The following CDKN2B-AS1 variants were observed in gnomAD, a reference collection of about 807,000 sequenced individuals.
The protein encoded by CDKN2B-AS1 is CDKN2B antisense RNA 1 (non-protein coding).
chr9:22,068,649 G>T (rs1288815718), intron 4 of CDKN2B-AS1, among the ~76,000 whole-genome samples: 1 of 152,184 alleles, frequency 6.6e-6, no homozygotes, highest in Non-Finnish European at 1.5e-5. Flanking sequence ...GCTTTGCAAT[G>T]ATAGTAAGAT....
intron 4 of CDKN2B-AS1, among the ~76,000 whole-genome samples, chr9:22,091,682 A>G (rs1489160477): frequency 6.6e-6 from 1 of 152,152 alleles, no homozygotes; most frequent in African/African-American, 2.4e-5. Flanking sequence ...TTTTATCCTG[A>G]GACTTTGCTG....
intron 1 of CDKN2B-AS1, among the ~76,000 whole-genome samples, chr9:22,042,669 G>T (rs907422845): frequency 1.3e-5 from 2 of 151,994 alleles, no homozygotes; most frequent in Non-Finnish European, 2.9e-5. Context: ...TCAGAATGTT[G>T]TTTCACAAGT....
chr9:22,011,529 C>T (rs971323263), intron 1 of CDKN2B-AS1, among the ~76,000 whole-genome samples: 2 of 152,114 alleles, frequency 1.3e-5, no homozygotes, highest in Non-Finnish European at 2.9e-5. Context: ...GTGGGTATAA[C>T]TTTTGCGACT....
At chr9:22,009,835 T>C (rs915882529) in intron 1 of CDKN2B-AS1, among the ~76,000 whole-genome samples, 1 of 152,224 alleles carries the variant, frequency 6.6e-6, no homozygotes, top group African/African-American at 2.4e-5. Flanking sequence ...GTCTTTCTGT[T>C]TGAATTAGTC....
At chr9:22,030,705 T>C (rs907237649) in intron 1 of CDKN2B-AS1, 4 of 151,690 alleles carry the variant, frequency 2.6e-5, no homozygotes, top group Non-Finnish European at 5.9e-5. Flanking sequence ...AGATTTAGTT[T>C]CCTCATTACA....
At chr9:22,080,379 G>T (rs1411969828) in intron 4 of CDKN2B-AS1, among the ~76,000 whole-genome samples, 1 of 152,218 alleles carries the variant, frequency 6.6e-6, no homozygotes, top group African/African-American at 2.4e-5. Context: ...GATCAAGCTG[G>T]CATCGTTTCC....
At position 22,001,706 on chromosome 9, in the gene CDKN2B-AS1, AATC is replaced by A. The variant is rs1820924828; in HGVS notation, n.29+6546_29+6548del. On this transcript the variant is annotated intron_variant and non_coding_transcript_variant, in intron 1 of 4. Transcript: ENST00000650946. This position sits in a 1 kb window ranked among gnomAD's most constrained non-coding sequence, Gnocchi z 4.2. ...TTCCTTACGCAAGGAATGACATTAA[AATC>A]TTCTGAGTAGGGAATTTAAGAGGCA... Among the ~76,000 whole-genome samples, 1 of 152,142 alleles carries A rather than the reference AATC, an allele frequency of 6.6e-6. No homozygotes were observed. The highest frequency in any genetic ancestry group is 1.5e-5 in the Non-Finnish European group (1 of 67,988).
At chr9:22,012,104 A>G (rs939116937) in intron 1 of CDKN2B-AS1, 100 of 785,406 alleles carry the variant, frequency 1.3e-4, no homozygotes, top group Non-Finnish European at 8.1e-5. Flanking sequence ...GTATGAACAG[A>G]TCTGCCATCC....
intron 4 of CDKN2B-AS1, among the ~76,000 whole-genome samples, chr9:22,071,482 G>C (rs905430386): frequency 7.9e-5 from 12 of 151,774 alleles, no homozygotes; most frequent in African/African-American, 2.7e-4. Flanking sequence ...TTAGTTTAAA[G>C]ATGACATTTC....
chr9:22,127,783 T>C (rs1246583519), exon 5 of CDKN2B-AS1, among the ~76,000 whole-genome samples: 1 of 152,228 alleles, frequency 6.6e-6, no homozygotes, highest in Non-Finnish European at 1.5e-5. Context: ...AAACTCTAAT[T>C]GTAGAACTCA....
Position 22,006,188 on chromosome 9 carries a change from GGGCTCCGCGCCGTGGAGCAGCAGC to G in CDKN2B-AS1, n.29+11028_29+11051del. 6.2e-7 allele frequency: 1 copy of G among 1,609,270 alleles called. No homozygotes were observed. Among genetic ancestry groups the G allele is most frequent in the South Asian group, 1.1e-5 (1 of 91,036 alleles). On this transcript the variant is annotated intron_variant and non_coding_transcript_variant, in intron 1 of 4. Transcript: ENST00000650946. The surrounding 1 kb of genome is among the most constrained non-coding windows in gnomAD (Gnocchi z 6.4). ...TGAGAGTGGCAGGGTCTGCGCAGTT[GGGCTCCGCGCCGTGGAGCAGCAGC>G]AGCTCCGCCACGCGGGCGCTGCCCA...
chr9:22,035,633 CT>C (rs1822657519), intron 1 of CDKN2B-AS1, among the ~76,000 whole-genome samples: 1 of 152,116 alleles, frequency 6.6e-6, no homozygotes, highest in Admixed American at 6.6e-5. Context: ...AATATATTGG[CT>C]GCTTCTCCGA....
chr9:22,057,061 G>A (rs535235548), intron 4 of CDKN2B-AS1, among the ~76,000 whole-genome samples: 10 of 152,012 alleles, frequency 6.6e-5, no homozygotes, highest in East Asian at 1.9e-4. Flanking sequence ...ACCTTTACCC[G>A]ACCCCAAATA....
In CDKN2B-AS1 at chr9:22,006,047, C is replaced by T. The variant is rs1490156753; in HGVS notation, n.29+10886C>T. The T allele has an allele frequency of 6.2e-7, 1 of 1,605,206 alleles. No individual in the cohort carries two copies. The highest frequency in any genetic ancestry group is 8.5e-7 in the Non-Finnish European group (1 of 1,179,580). On this transcript the variant is annotated intron_variant and non_coding_transcript_variant, in intron 1 of 4. Coordinates refer to ENST00000650946, the Ensembl canonical transcript of CDKN2B-AS1. This position sits in a 1 kb window ranked among gnomAD's most constrained non-coding sequence, Gnocchi z 6.4. ...CGTCGCGGTGGCCCCGCTCCTCGGC[C>T]AAGTCCACGGGCAGACGACCCCAGG...
rs552736070 is a variant in CDKN2B-AS1, at chr9:22,008,988, T to A, written n.29+13827T>A. ...CCCAGACGCGCAGCGGCCCGGATAATCCACCGTTGGCCGTAAACTTAACGA... is the reference window on the plus strand; with the variant it reads ...CCCAGACGCGCAGCGGCCCGGATAAACCACCGTTGGCCGTAAACTTAACGA... On this transcript the variant is annotated intron_variant and non_coding_transcript_variant, in intron 1 of 4. Transcript: ENST00000650946. The A allele has an allele frequency of 8.7e-6, 14 of 1,613,350 alleles. No homozygotes were observed. In the South Asian group the frequency reaches 1.3e-4, roughly 15 times the overall value.
intron 1 of CDKN2B-AS1, chr9:22,012,127 G>A: frequency 9.8e-7 from 1 of 1,021,744 alleles, no homozygotes; most frequent in Admixed American, 1.9e-5. Flanking sequence ...TTTTTCTTCA[G>A]CGAGGCAGCC....
At chr9:22,008,892 G>A (rs754200597) in intron 1 of CDKN2B-AS1, 5 of 1,612,538 alleles carry the variant, frequency 3.1e-6, no homozygotes, top group South Asian at 2.2e-5. Flanking sequence ...CCGCGCCGCG[G>A]CGCTGGCCAG....
At chr9:22,052,164 C>T (rs1267963378) in intron 3 of CDKN2B-AS1, among the ~76,000 whole-genome samples, 2 of 152,070 alleles carry the variant, frequency 1.3e-5, no homozygotes, top group East Asian at 3.9e-4. Context: ...TTAATAGTTT[C>T]CCCCAATGAA....
At chr9:22,072,486 A>G (rs749175715) in intron 4 of CDKN2B-AS1, among the ~76,000 whole-genome samples, 2 of 152,194 alleles carry the variant, frequency 1.3e-5, no homozygotes, top group Non-Finnish European at 2.9e-5. Context: ...CATCTCTAAT[A>G]ATTTTTGCCT....
Sources: allele counts gnomAD v4.1 joint callset (sites outside exome capture counted in the v4.1 genomes callset), GRCh38; gene constraint gnomAD v4.1.1; non-coding constraint Gnocchi (gnomAD v3.1); transcripts MANE v1.5; gene names NCBI Gene and HGNC (gene_info 2026-07-23, HGNC 2026-07-21).